Variants in OTOA observed in about 807,000 individuals in gnomAD.
The protein encoded by OTOA is otoancorin, also known as cancer/testis antigen 108.
Under a neutral mutation model 110.8 loss-of-function variants are expected in OTOA, and 70 were observed. The observed-to-expected ratio is 0.63, with a 90% confidence interval of 0.52 to 0.77. OTOA has a LOEUF of 0.77. Ranked by LOEUF, OTOA falls within the 30% of genes least tolerant of loss-of-function variation. The pLI is 0.00. For synonymous variants in OTOA, 373 were observed against 431.5 expected, an observed-to-expected ratio of 0.86 and a Z score of 1.68; for missense variants, 917 against 1,075.8, an observed-to-expected ratio of 0.85 and a Z score of 2.06.
chr16:21,721,767 CT>C (rs1031975294), intron 17 of OTOA, among the ~76,000 whole-genome samples: 1 of 152,044 alleles, frequency 6.6e-6, no homozygotes, highest in Admixed American at 6.6e-5. Flanking sequence ...TGGCACATGC[CT>C]GTAGTCCTAG....
chr16:21,719,035 G>T, intron 15 of OTOA, 98 bp from the exon 16 acceptor site: 1 of 1,215,098 alleles, frequency 8.2e-7, no homozygotes, highest in Non-Finnish European at 1.2e-6. Flanking sequence ...TTCCCCATCT[G>T]TAAAATGGGA....
chr16:21,716,380 G>T (rs918274869), intron 14 of OTOA, among the ~76,000 whole-genome samples: 2 of 152,074 alleles, frequency 1.3e-5, no homozygotes, highest in South Asian at 2.1e-4. Context: ...GACCAGCCTG[G>T]CCAACATGGT....
chr16:21,757,615 C>CTATTATTATTATTATTAA (rs1555504175), intron 28 of OTOA, among the ~76,000 whole-genome samples: 2 of 149,864 alleles, frequency 1.3e-5, no homozygotes, highest in African/African-American at 5.0e-5. Flanking sequence ...TAATAATGAA[C>CTATTATTATTATTATTAA]TATTATTATT....
chr16:21,684,517 C>T (rs1301734451), intron 6 of OTOA: 1 of 1,550,690 alleles, frequency 6.4e-7, no homozygotes, highest in East Asian at 2.4e-5. Context: ...AGGCCAGCTG[C>T]TGCTGATGGG....
chr16:21,676,553 A>T (rs561494916), intron 1 of OTOA, among the ~76,000 whole-genome samples: 4 of 152,262 alleles, frequency 2.6e-5, no homozygotes, highest in African/African-American at 9.6e-5. Flanking sequence ...TGCAGGAGCT[A>T]TTCTCATTCC....
rs1271582506 is a variant in OTOA, at chr16:21,760,668, G to T, written c.*128G>T. ...TCATCTAGGGCAGGGAAACCCTGGG[G>T]CCTTGATGGTGAAAATGCACCCCAA... On this transcript the variant is annotated 3_prime_UTR_variant, in exon 29 of 29. Coordinates refer to ENST00000646100, the MANE Select transcript of OTOA (RefSeq NM_144672.4). 5 of 682,884 alleles carry T rather than the reference G, an allele frequency of 7.3e-6. No individual in the cohort carries two copies. The African/African-American group carries it at 8.8e-5, about 12-fold the overall frequency. 42.3% of individuals were successfully genotyped at this position (682,884 alleles called of 1,614,324 possible). A position where few individuals can be genotyped will look rare whatever the true frequency, so the allele number is the denominator to read the frequency against.
intron 24 of OTOA, among the ~76,000 whole-genome samples, chr16:21,750,296 C>G (rs1388564022): frequency 7.1e-6 from 1 of 141,454 alleles, no homozygotes; most frequent in South Asian, 2.4e-4. Flanking sequence ...GCCTGTAATC[C>G]CAGCTACTGG....
At chr16:21,680,256 A>G (rs74643689) in intron 5 of OTOA, among the ~76,000 whole-genome samples, 19,405 of 152,080 alleles carry the variant, frequency 0.13, 1,656 homozygotes, top group Non-Finnish European at 0.19. Flanking sequence ...GCTCATGCCT[A>G]TAATTCCAGG....
At chr16:21,664,842 G>T (rs1966831741) in intron 1 of OTOA, among the ~76,000 whole-genome samples, 1 of 151,854 alleles carries the variant, frequency 6.6e-6, no homozygotes, top group South Asian at 2.1e-4. Context: ...TGTGGTGGCG[G>T]GCGCCTGTAA....
At chr16:21,671,970 A>T (rs1042165140) in intron 1 of OTOA, among the ~76,000 whole-genome samples, 3 of 152,056 alleles carry the variant, frequency 2.0e-5, no homozygotes, top group Non-Finnish European at 4.4e-5. Flanking sequence ...TATATCTACA[A>T]AAAAAATTTT....
In OTOA at chr16:21,715,113, C is replaced by T. The variant is rs772988754; in HGVS notation, c.1449C>T (p.Ser483=). The T allele has an allele frequency of 5.4e-5, 87 of 1,614,036 alleles. No individual in the cohort carries two copies. The highest frequency in any genetic ancestry group is 6.6e-5 in the South Asian group (6 of 91,086). The change falls in exon 14 of 29, where the codon TCC becomes TCT. Residue 483 remains serine, a synonymous_variant. Coordinates refer to ENST00000646100, the MANE Select transcript of OTOA (RefSeq NM_144672.4). The part of the protein sequence containing the change: ...VLRSAVSQYV[S]DLSPAQQQGI... ...GAAGTGCCGTCTCCCAGTATGTATC[C>T]GACTTGTCACCTGCCCAGCAGCAAG...
chr16:21,729,537 T>G (rs1435373352), intron 20 of OTOA: 1 of 152,198 alleles, frequency 6.6e-6, no homozygotes, highest in African/African-American at 2.4e-5. Context: ...GTCCATATTT[T>G]ACATTAGGAT....
At chr16:21,665,169 G>A (rs1383432818) in intron 1 of OTOA, among the ~76,000 whole-genome samples, 2 of 152,096 alleles carry the variant, frequency 1.3e-5, no homozygotes, top group Non-Finnish European at 2.9e-5. Context: ...TCTTATCCCT[G>A]GGGTGGCACC....
intron 6 of OTOA, 87 bp from the exon 7 acceptor site, chr16:21,685,143 G>A: frequency 6.4e-7 from 1 of 1,551,950 alleles, no homozygotes; most frequent in Non-Finnish European, 8.8e-7. Context: ...GGGAATGAGG[G>A]GGCCGGGCTG....
At position 21,710,118 on chromosome 16, in the gene OTOA, T is replaced by C. The variant is rs1898312212; in HGVS notation, c.1320+15T>C. On this transcript the variant is annotated intron_variant, in intron 13 of 28. Transcript: ENST00000646100. The stretch of plus-strand genomic sequence containing the variant: ...CCCATGAGAAGGTCAGCTGGAGTTT[T>C]AAACTCTTTTTTATTCCCCTAAGAT... 5 of 1,596,498 alleles carry C rather than the reference T, an allele frequency of 3.1e-6. No homozygotes were observed. The African/African-American group carries it at 6.7e-5, about 21-fold the overall frequency.
chr16:21,691,638 T>C lies in OTOA; in HGVS notation c.690T>C (p.Ala230=), dbSNP rs1367298866. ...YDKTSAHSQR[A]LYSWMTGILQ... is the part of the protein sequence containing the mutation. ...AAACCTCGGCTCATTCCCAGAGAGC[T>C]CTCTATTCCTGGATGACTGGAATAC... Residue 230 remains alanine, a synonymous_variant, in exon 9 of 29, where the codon GCT becomes GCC. Coordinates refer to ENST00000646100, the MANE Select transcript of OTOA (RefSeq NM_144672.4). 11 of 1,613,972 alleles carry C rather than the reference T, an allele frequency of 6.8e-6. No homozygotes were observed. Among genetic ancestry groups the C allele is most frequent in the Non-Finnish European group, 9.3e-6 (11 of 1,179,938 alleles).
At chr16:21,757,897 C>T (rs1206392909) in intron 28 of OTOA, among the ~76,000 whole-genome samples, 1 of 152,142 alleles carries the variant, frequency 6.6e-6, no homozygotes, top group South Asian at 2.1e-4. Context: ...GGATTACAGG[C>T]GCGAGCCACC....
intron 9 of OTOA, among the ~76,000 whole-genome samples, chr16:21,697,194 C>T (rs1039902072): frequency 6.6e-6 from 1 of 151,726 alleles, no homozygotes; most frequent in African/African-American, 2.4e-5. Flanking sequence ...GTATTTCTAA[C>T]AAGTGGCCAG....
chr16:21,680,283 G>A (rs1966878937), intron 5 of OTOA, among the ~76,000 whole-genome samples: 1 of 152,128 alleles, frequency 6.6e-6, no homozygotes, highest in Non-Finnish European at 1.5e-5. Flanking sequence ...AGAGGCCAAG[G>A]TGGGCGGATC....
Sources: gnomAD v4.1 joint callset for allele counts (sites outside exome capture counted in the v4.1 genomes callset) on GRCh38, gnomAD v4.1.1 for gene constraint, MANE v1.5 for transcripts, NCBI Gene and HGNC (gene_info 2026-07-23, HGNC 2026-07-21) for gene names.